SLC8A1: variants seen among roughly 807,000 people sequenced by gnomAD.
The protein encoded by SLC8A1 is solute carrier family 8 member A1.
In SLC8A1, 18 loss-of-function variants were observed where a neutral mutation model predicts 68.3. The ratio of observed to expected loss-of-function variants is 0.26; its 90% CI spans 0.18 to 0.39. SLC8A1 has a LOEUF of 0.39. Ranked by LOEUF, SLC8A1 falls within the 10% of genes least tolerant of loss-of-function variation. SLC8A1 has a pLI of 1.00. For missense variants in SLC8A1, 985 were observed against 1,156.7 expected, an observed-to-expected ratio of 0.85 and a Z score of 2.15; for synonymous variants, 475 against 415.5, an observed-to-expected ratio of 1.14 and a Z score of -1.74.
intron 7 of SLC8A1, among the ~76,000 whole-genome samples, chr2:40,129,372 A>T (rs7589395): frequency 0.14 from 21,795 of 150,556 alleles, 1,782 homozygotes; most frequent in African/African-American, 0.21. Context: ...CTGGGACAAC[A>T]GGTGCATACC....
chr2:40,430,891 G>A (rs549635715), intron 1 of SLC8A1, among the ~76,000 whole-genome samples: 135 of 152,212 alleles, frequency 8.9e-4, no homozygotes, highest in African/African-American at 3.0e-3. Context: ...ATGAAATCAT[G>A]TCCTATTGCT....
At chr2:40,142,477 G>A (rs1177275818) in intron 6 of SLC8A1, among the ~76,000 whole-genome samples, 1 of 152,128 alleles carries the variant, frequency 6.6e-6, no homozygotes, top group Non-Finnish European at 1.5e-5. Context: ...TAATTTCACA[G>A]GGCATATGAA....
At chr2:40,335,515 A>T (rs1456258833) in intron 2 of SLC8A1, among the ~76,000 whole-genome samples, 1 of 152,270 alleles carries the variant, frequency 6.6e-6, no homozygotes, top group Non-Finnish European at 1.5e-5. Flanking sequence ...GATGGGAATG[A>T]CTGACTTAAT....
chr2:40,416,749 T>G, intron 2 of SLC8A1, among the ~76,000 whole-genome samples: 1 of 152,102 alleles, frequency 6.6e-6, no homozygotes. Flanking sequence ...TCCTAAATAC[T>G]TGTTTCCTTC....
intron 2 of SLC8A1, among the ~76,000 whole-genome samples, chr2:40,180,828 T>G (rs950853574): frequency 6.6e-6 from 1 of 152,240 alleles, no homozygotes; most frequent in Non-Finnish European, 1.5e-5. Context: ...GGGTGAATGT[T>G]TGTGTAGAAA....
chr2:40,425,061 G>C (rs909145788), intron 2 of SLC8A1, among the ~76,000 whole-genome samples: 5 of 151,766 alleles, frequency 3.3e-5, no homozygotes, highest in African/African-American at 1.2e-4. Flanking sequence ...GTTAACATTA[G>C]ACAGAATTCC....
intron 7 of SLC8A1, among the ~76,000 whole-genome samples, chr2:40,131,057 G>C (rs916087025): frequency 6.6e-6 from 1 of 152,200 alleles, no homozygotes; most frequent in African/African-American, 2.4e-5. Flanking sequence ...ATTTTTAAGG[G>C]TCTACTATAT....
intron 6 of SLC8A1, 90 bp downstream of exon 9, chr2:40,160,675 G>C: frequency 9.1e-7 from 1 of 1,102,144 alleles, no homozygotes; most frequent in South Asian, 1.3e-5. Flanking sequence ...AAGCCCTTTG[G>C]TGCTTTGCCA....
intron 2 of SLC8A1, among the ~76,000 whole-genome samples, chr2:40,245,518 T>C (rs1001631062): frequency 2.0e-5 from 3 of 152,120 alleles, no homozygotes; most frequent in Admixed American, 6.6e-5. Context: ...GGTAAAACTT[T>C]TGGACACTCT....
intron 2 of SLC8A1, among the ~76,000 whole-genome samples, chr2:40,276,634 GGTTGCA>G (rs2066733147): frequency 6.6e-6 from 1 of 152,194 alleles, no homozygotes; most frequent in African/African-American, 2.4e-5. Flanking sequence ...TATTAAGGGA[GGTTGCA>G]GTCAAGGGCA....
intron 1 of SLC8A1, among the ~76,000 whole-genome samples, chr2:40,485,042 C>T (rs1704869920): frequency 1.3e-5 from 2 of 152,090 alleles, no homozygotes; most frequent in Admixed American, 1.3e-4. Context: ...AGAATAAGAG[C>T]TTGCTGGCCT....
At chr2:40,116,553 A>C (rs1238593087) in intron 7 of SLC8A1, among the ~76,000 whole-genome samples, 1 of 152,080 alleles carries the variant, frequency 6.6e-6, no homozygotes, top group Non-Finnish European at 1.5e-5. Flanking sequence ...ATGAGTGAGA[A>C]TATGCGGTGT....
Position 40,398,150 on chromosome 2 carries a change from G to C in SLC8A1, c.1808+30323C>G, listed in dbSNP as rs866730868. Among the ~76,000 whole-genome samples the C allele has an allele frequency of 5.9e-5, 9 of 152,270 alleles. No homozygotes were observed. In the South Asian group the frequency reaches 1.9e-3, roughly 32 times the overall value. On this transcript the variant is annotated intron_variant, in intron 2 of 7. Transcript: ENST00000406785. ...ATATGGAGCCACTTTTTCTTTTCCA[G>C]CTTATTTCCAATGCAAACCTGATTC...
At chr2:40,194,469 A>ATGTGTGTGTGTGTGTGTG (rs543194094) in intron 2 of SLC8A1, among the ~76,000 whole-genome samples, 4 of 137,442 alleles carry the variant, frequency 2.9e-5, no homozygotes, top group African/African-American at 8.1e-5. Flanking sequence ...TCAGTAAGCA[A>ATGTGTGTGTGTGTGTGTG]TGTGTGTGTG....
chr2:40,154,273 C>T (rs1055700512), intron 6 of SLC8A1, among the ~76,000 whole-genome samples: 25 of 147,652 alleles, frequency 1.7e-4, no homozygotes, highest in African/African-American at 6.2e-4. Flanking sequence ...AAGTGGGCCA[C>T]AATTTTTAAT....
chr2:40,157,976 A>C (rs2044885386), intron 6 of SLC8A1, among the ~76,000 whole-genome samples: 1 of 152,216 alleles, frequency 6.6e-6, no homozygotes, highest in African/African-American at 2.4e-5. Context: ...AGGGACAAGA[A>C]GATTGCCACA....
chr2:40,354,815 T>C (rs573866190), intron 2 of SLC8A1, among the ~76,000 whole-genome samples: 1 of 152,160 alleles, frequency 6.6e-6, no homozygotes, highest in Non-Finnish European at 1.5e-5. Context: ...CACATCTTAT[T>C]ACATCAAAGT....
At chr2:40,439,769 C>T (rs1336750000) in intron 1 of SLC8A1, among the ~76,000 whole-genome samples, 1 of 151,878 alleles carries the variant, frequency 6.6e-6, no homozygotes, top group Non-Finnish European at 1.5e-5. Flanking sequence ...AAATTACAGT[C>T]CTTGAAAGAA....
At chr2:40,434,863 G>A (rs577470693) in intron 1 of SLC8A1, among the ~76,000 whole-genome samples, 8 of 152,068 alleles carry the variant, frequency 5.3e-5, no homozygotes, top group Non-Finnish European at 1.0e-4. Context: ...CAGTTGTGTC[G>A]GAGGAAGAGG....
Sources: allele counts gnomAD v4.1 joint callset (sites outside exome capture counted in the v4.1 genomes callset), GRCh38; gene constraint gnomAD v4.1.1; transcripts MANE v1.5; gene names NCBI Gene and HGNC (gene_info 2026-07-23, HGNC 2026-07-21).